Variants in ZNF362 observed in about 807,000 individuals in gnomAD.
ZNF362 encodes the protein zinc finger protein 362.
A neutral mutation model predicts 42.9 loss-of-function variants in ZNF362; 11 were observed. The ratio of observed to expected loss-of-function variants is 0.26; its 90% CI spans 0.16 to 0.42. The LOEUF is 0.42. Ranked by LOEUF, ZNF362 falls within the 20% of genes least tolerant of loss-of-function variation. ZNF362 has a pLI of 1.00. For missense variants in ZNF362, 362 were observed against 576.2 expected, an observed-to-expected ratio of 0.63 and a Z score of 3.81; for synonymous variants, 255 against 257.3, an observed-to-expected ratio of 0.99 and a Z score of 0.09.
the ZNF362 span, among the ~76,000 whole-genome samples, chr1:33,135,277 G>T: frequency 6.6e-6 from 1 of 152,136 alleles, no homozygotes; most frequent in Non-Finnish European, 1.5e-5. Context: ...GACAGAGCAA[G>T]ACTCTCTCAA....
At chr1:33,176,535 G>T in the ZNF362 span, 3 of 639,850 alleles carry the variant, frequency 4.7e-6, no homozygotes, top group East Asian at 2.8e-5. Context: ...CCTCTCTGGG[G>T]GTTAGGAACC....
At chr1:33,150,790 G>C in the ZNF362 span, among the ~76,000 whole-genome samples, 1 of 152,146 alleles carries the variant, frequency 6.6e-6, no homozygotes, top group Non-Finnish European at 1.5e-5. Context: ...GCTAGATTGA[G>C]AAGAGGAACC....
chr1:33,157,571 G>A, the ZNF362 span, among the ~76,000 whole-genome samples: 1 of 152,070 alleles, frequency 6.6e-6, no homozygotes, highest in African/African-American at 2.4e-5. Context: ...ACCCTAGGAT[G>A]TAAGATGCGT....
At chr1:33,170,521 C>T in the ZNF362 span, among the ~76,000 whole-genome samples, 2,548 of 152,132 alleles carry the variant, frequency 0.017, 26 homozygotes, top group Middle Eastern at 0.027. Context: ...GCTGAGTCTT[C>T]AGGATGTCCC....
the ZNF362 span, among the ~76,000 whole-genome samples, chr1:33,189,655 A>ATG: frequency 9.4e-3 from 219 of 23,298 alleles, 6 homozygotes; most frequent in East Asian, 0.25. Context: ...ATATATATAT[A>ATG]TATATATATA....
the ZNF362 span, among the ~76,000 whole-genome samples, chr1:33,202,318 C>T: frequency 0.036 from 5,536 of 152,222 alleles, 148 homozygotes; most frequent in African/African-American, 0.073. Context: ...TGTATCAGGC[C>T]GGGCGTGGTG....
rs1394205460 is a variant in ZNF362 at position 33,300,618 on chromosome 1, ATG to A, written c.*1575_*1576del. On this transcript the variant is annotated 3_prime_UTR_variant, in exon 9 of 9. Transcript: ENST00000539719. ...GGAGTGGGGAGCAAATGAAAATCAAATGTGGGGGGAAAACACTAAAGGGGGCA... is the reference window on the plus strand; with the variant it reads ...GGAGTGGGGAGCAAATGAAAATCAAATGGGGGGAAAACACTAAAGGGGGCA... 1 of 152,040 alleles carries A rather than the reference ATG, an allele frequency of 6.6e-6. No individual in the cohort carries two copies. Among genetic ancestry groups the A allele is most frequent in the African/African-American group, 2.4e-5 (1 of 41,388 alleles). The allele number at this position is 152,040 out of a possible 1,614,324, so 9.4% of individuals were successfully genotyped here. A position where few individuals can be genotyped will look rare whatever the true frequency, so the allele number is the denominator to read the frequency against.
chr1:33,291,551 C>A (rs1646078280), intron 6 of ZNF362, among the ~76,000 whole-genome samples: 1 of 152,156 alleles, frequency 6.6e-6, no homozygotes, highest in Admixed American at 6.6e-5. Context: ...AATGCAGGCT[C>A]TTTTTTGGTT....
chr1:33,258,753 G>T (rs1204105023), intron 1 of ZNF362, among the ~76,000 whole-genome samples: 1 of 152,158 alleles, frequency 6.6e-6, no homozygotes, highest in African/African-American at 2.4e-5. Flanking sequence ...AATCTTTCCT[G>T]AGAGAATTGA....
upstream of ZNF362, among the ~76,000 whole-genome samples, chr1:33,252,985 C>A (rs529368611): frequency 6.6e-6 from 1 of 151,768 alleles, no homozygotes; most frequent in African/African-American, 2.4e-5. Context: ...GTGTTGCCAG[C>A]AGTGTGGCAG....
chr1:33,264,027 C>T (rs1645847335), intron 1 of ZNF362, among the ~76,000 whole-genome samples: 1 of 152,160 alleles, frequency 6.6e-6, no homozygotes, highest in Non-Finnish European at 1.5e-5. Context: ...GCTCTGTCTG[C>T]TGGCCTGCAC....
rs184766836 is a variant in ZNF362, at chr1:33,293,630, C to A, written c.909-1307C>A. 2.0e-3 allele frequency among the ~76,000 whole-genome samples: 305 copies of A among 152,324 alleles called. 2 individuals carry two copies. Among genetic ancestry groups the A allele is most frequent in the African/African-American group, 7.0e-3 (289 of 41,574 alleles). On this transcript the variant is annotated intron_variant, in intron 6 of 8. Transcript: ENST00000539719. ...CTGGATATTCCCCTCCACTTCTGTT[C>A]CTCAACAAATTAGGCAAACAAGGTG... is the stretch of plus-strand genomic sequence containing the variant.
chr1:33,276,620 GGGCCGGTGA>G, intron 4 of ZNF362, 26 bp downstream of exon 4: 1 of 1,311,550 alleles, frequency 7.6e-7, no homozygotes, highest in Non-Finnish European at 9.7e-7. Flanking sequence ...GGGGCCGGCG[GGGCCGGTGA>G]GGACTGGGCA....
chr1:33,164,382 A>G, the ZNF362 span: 1 of 152,426 alleles, frequency 6.6e-6, no homozygotes, highest in South Asian at 2.1e-4. Flanking sequence ...AAATCACCCC[A>G]GGCCTCACGA....
At chr1:33,181,470 G>C in the ZNF362 span, 1 of 1,544,940 alleles carries the variant, frequency 6.5e-7, no homozygotes, top group Non-Finnish European at 8.7e-7. This position sits in a 1 kb window ranked among gnomAD's most constrained non-coding sequence, Gnocchi z 6.5. Context: ...CCGAGGGGCA[G>C]GGGGGCGGCT....
chr1:33,256,450 CCCG>C (rs761575797), upstream of ZNF362: 2,215 of 157,222 alleles, frequency 0.014, 56 homozygotes, highest in African/African-American at 0.047. Context: ...GACCCAGCCT[CCCG>C]CCGCCGCCGC....
the ZNF362 span, among the ~76,000 whole-genome samples, chr1:33,212,000 G>C: frequency 2.0e-5 from 3 of 152,202 alleles, no homozygotes; most frequent in African/African-American, 7.2e-5. Flanking sequence ...TGGTGTTGGA[G>C]GTGGGATCTG....
At chr1:33,275,155 C>T (rs1645934315) in intron 2 of ZNF362, 1 of 985,440 alleles carries the variant, frequency 1.0e-6, no homozygotes, top group Non-Finnish European at 1.2e-6. Context: ...GGGAGCAAGA[C>T]TTAATGGAAA....
intron 6 of ZNF362, among the ~76,000 whole-genome samples, chr1:33,287,170 G>A (rs1285354180): frequency 6.6e-6 from 1 of 152,170 alleles, no homozygotes; most frequent in African/African-American, 2.4e-5. Flanking sequence ...TTCTGTTCTT[G>A]TTAGTCTGTT....
Sources: gnomAD v4.1 joint callset for allele counts (sites outside exome capture counted in the v4.1 genomes callset) on GRCh38, gnomAD v4.1.1 for gene constraint, Gnocchi (gnomAD v3.1) non-coding constraint, MANE v1.5 for transcripts, NCBI Gene and HGNC (gene_info 2026-07-23, HGNC 2026-07-21) for gene names.